The following LOC400499 variants were observed in gnomAD, a reference collection of about 807,000 sequenced individuals.
At chr16:11,440,652 A>G in the LOC400499 span, 1 of 398,356 alleles carries the variant, frequency 2.5e-6, no homozygotes, top group Non-Finnish European at 4.4e-6. Flanking sequence ...GACATCTCAT[A>G]CAGGGCACCT....
At chr16:11,432,148 C>T in the LOC400499 span, among the ~76,000 whole-genome samples, 1 of 152,228 alleles carries the variant, frequency 6.6e-6, no homozygotes, top group African/African-American at 2.4e-5. Context: ...CCGTCCTCAG[C>T]CCATGCACAC....
At chr16:11,385,020 C>G in the LOC400499 span, 1 of 1,232,278 alleles carries the variant, frequency 8.1e-7, no homozygotes, top group Non-Finnish European at 1.0e-6. Context: ...AGCTTGAGGT[C>G]CGGACAACTG....
the LOC400499 span, among the ~76,000 whole-genome samples, chr16:11,426,887 A>G: frequency 1.4e-4 from 13 of 92,778 alleles, no homozygotes; most frequent in African/African-American, 6.1e-4. Context: ...ACAGAACAAG[A>G]CCCCATCTCA....
At chr16:11,411,549 C>T in the LOC400499 span, among the ~76,000 whole-genome samples, 9 of 152,214 alleles carry the variant, frequency 5.9e-5, no homozygotes. Flanking sequence ...AGATTTGAGT[C>T]CTGGCTTGGC....
At chr16:11,430,794 G>C in the LOC400499 span, among the ~76,000 whole-genome samples, 1 of 152,178 alleles carries the variant, frequency 6.6e-6, no homozygotes. Flanking sequence ...GCGTGTTAAA[G>C]GCTCTGACAA....
At chr16:11,407,308 G>C in the LOC400499 span, 669 of 398,602 alleles carry the variant, frequency 1.7e-3, 5 homozygotes, top group African/African-American at 0.012. Context: ...AGGCGAACAT[G>C]CTCTGAACCT....
At chr16:11,494,484 A>T in the LOC400499 span, 2 of 207,144 alleles carry the variant, frequency 9.7e-6, no homozygotes, top group Non-Finnish European at 1.9e-5. Context: ...GGGGGAACCC[A>T]CCCCCACCCT....
chr16:11,469,356 C>A, the LOC400499 span: 2 of 399,038 alleles, frequency 5.0e-6, no homozygotes, highest in Non-Finnish European at 8.8e-6. Flanking sequence ...AATCTCTGAG[C>A]CTAAGATGTA....
chr16:11,391,690 C>G, the LOC400499 span: 14 of 1,232,096 alleles, frequency 1.1e-5, no homozygotes, highest in Non-Finnish European at 1.4e-5. Context: ...CGCAGCTGCT[C>G]CAGCCCCACC....
At chr16:11,390,349 C>T in the LOC400499 span, 15 of 1,233,858 alleles carry the variant, frequency 1.2e-5, no homozygotes, top group East Asian at 4.7e-4. Flanking sequence ...GCCTGGCATC[C>T]CGGGCACCCA....
At chr16:11,440,377 G>A in the LOC400499 span, among the ~76,000 whole-genome samples, 1 of 152,188 alleles carries the variant, frequency 6.6e-6, no homozygotes, top group Non-Finnish European at 1.5e-5. Flanking sequence ...CTATGGGTCT[G>A]GCACATAAAA....
the LOC400499 span, chr16:11,461,230 GC>G: frequency 7.5e-7 from 1 of 1,335,712 alleles, no homozygotes; most frequent in Non-Finnish European, 1.0e-6. Flanking sequence ...GGGGTTGGGG[GC>G]TCCTTGAAGA....
the LOC400499 span, among the ~76,000 whole-genome samples, chr16:11,383,127 G>A: frequency 1.3e-5 from 2 of 151,212 alleles, no homozygotes; most frequent in African/African-American, 4.9e-5. Context: ...GTGCAGTGGT[G>A]CAGTCTCAGC....
the LOC400499 span, among the ~76,000 whole-genome samples, chr16:11,486,840 G>A: frequency 3.0e-5 from 3 of 99,790 alleles, no homozygotes; most frequent in East Asian, 3.8e-4. Flanking sequence ...TTGGATGAAC[G>A]GATGATGGGC....
At chr16:11,431,169 T>C in the LOC400499 span, 3 of 398,890 alleles carry the variant, frequency 7.5e-6, no homozygotes, top group South Asian at 1.3e-4. Context: ...ATTCCTCAGA[T>C]GCCTTGAGGA....
chr16:11,391,623 T>C, the LOC400499 span: 29 of 1,231,048 alleles, frequency 2.4e-5, no homozygotes, highest in Non-Finnish European at 2.9e-5. Context: ...AGGGGGGACA[T>C]TGATTTCCGC....
the LOC400499 span, among the ~76,000 whole-genome samples, chr16:11,464,300 A>G: frequency 6.6e-5 from 10 of 152,252 alleles, no homozygotes; most frequent in Non-Finnish European, 1.0e-4. Flanking sequence ...TGGCAGGCAC[A>G]TTCGAGCGAT....
At chr16:11,434,085 G>A in the LOC400499 span, among the ~76,000 whole-genome samples, 1 of 152,144 alleles carries the variant, frequency 6.6e-6, no homozygotes, top group African/African-American at 2.4e-5. Flanking sequence ...GAACCTGAGT[G>A]AGGGGGAGGA....
chr16:11,461,180 C>T, the LOC400499 span: 17 of 1,476,000 alleles, frequency 1.2e-5, no homozygotes, highest in Admixed American at 3.9e-4. Context: ...CACCCCCATC[C>T]CCAGGCAAAG....
Sources: allele counts gnomAD v4.1 joint callset (sites outside exome capture counted in the v4.1 genomes callset), GRCh38; gene constraint gnomAD v4.1.1; transcripts MANE v1.5.